The following ZBTB7C variants were observed in gnomAD, a reference collection of about 807,000 sequenced individuals.
ZBTB7C encodes zinc finger and BTB domain containing 7C.
A neutral mutation model predicts 25.7 loss-of-function variants in ZBTB7C; 8 were observed. The observed-to-expected ratio is 0.31, with a 90% CI of 0.18 to 0.56. The LOEUF (loss-of-function observed/expected upper bound fraction) is 0.56, where lower values mean the gene tolerates loss of function less well. Ranked by LOEUF, ZBTB7C falls within the 20% of genes least tolerant of loss-of-function variation. The pLI, the probability that ZBTB7C is intolerant of heterozygous loss-of-function variation, is 0.91. For missense variants in ZBTB7C, 824 were observed against 855.2 expected (o/e 0.96, Z 0.46); for synonymous variants, 394 against 369.0 (o/e 1.07, Z -0.78).
rs1291570421 is a variant in ZBTB7C at position 48,347,133 on chromosome 18, T to G, written c.-303-8735A>C. On this transcript the variant is annotated intron_variant, in intron 1 of 4. Transcript: ENST00000590800. ...TTCCCAGTTTTTGTTTGTTTTTTTT[T>G]TTTTTTTTTTTTTTTGAGACGGAGT... Among the ~76,000 whole-genome samples the G allele has an allele frequency of 6.3e-5, 9 of 143,662 alleles. No homozygotes were observed. The South Asian group carries it at 1.4e-3, about 22-fold the overall frequency. 94.2% of individuals were successfully genotyped at this position (143,662 alleles called of 152,430 possible).
At chr18:48,340,282 C>G (rs1039641374) in intron 1 of ZBTB7C, among the ~76,000 whole-genome samples, 1 of 152,174 alleles carries the variant, frequency 6.6e-6, no homozygotes, top group Admixed American at 6.5e-5. Context: ...GCCAGGAAAC[C>G]CAGGGTAGGT....
chr18:48,134,464 G>C (rs547318826), intron 3 of ZBTB7C, among the ~76,000 whole-genome samples: 1 of 152,038 alleles, frequency 6.6e-6, no homozygotes, highest in South Asian at 2.1e-4. Flanking sequence ...AGTGGATGAA[G>C]GGTCTTTCAG....
chr18:48,336,660 C>T (rs1024437163), intron 2 of ZBTB7C, among the ~76,000 whole-genome samples: 4 of 152,202 alleles, frequency 2.6e-5, no homozygotes, highest in African/African-American at 9.6e-5. Context: ...CAGTCCCTGG[C>T]TCTTTCTGGT....
rs2042777988 is a variant in ZBTB7C, at chr18:48,214,511, A to G, written c.-78-28516T>C. ...AGCCCCTGCTGATAAAACAGGATGC[A>G]GTAAAGAAGCTGGTTAAAACCTACC... On this transcript the variant is annotated intron_variant, in intron 2 of 4. Transcript: ENST00000590800. Among the ~76,000 whole-genome samples, 4 of 152,272 alleles carry G rather than the reference A, an allele frequency of 2.6e-5. No homozygotes were observed. The South Asian group carries it at 8.3e-4, about 32-fold the overall frequency.
chr18:48,325,706 G>A (rs7226782), intron 2 of ZBTB7C, among the ~76,000 whole-genome samples: 52,863 of 152,056 alleles, frequency 0.35, 9,977 homozygotes, highest in East Asian at 0.73. Context: ...TCAACAGTGT[G>A]CATAACATCA....
chr18:48,324,129 T>C (rs1489386376), intron 2 of ZBTB7C, among the ~76,000 whole-genome samples: 3 of 152,162 alleles, frequency 2.0e-5, no homozygotes. Flanking sequence ...TCCAGAATCG[T>C]GAGTAGCAAA....
chr18:48,314,267 C>T (rs563793677), intron 2 of ZBTB7C, among the ~76,000 whole-genome samples: 19 of 152,304 alleles, frequency 1.2e-4, no homozygotes, highest in African/African-American at 4.6e-4. Context: ...TGCGGGATTA[C>T]TGATAACTTC....
intron 3 of ZBTB7C, among the ~76,000 whole-genome samples, chr18:48,123,950 G>A (rs935693499): frequency 6.6e-6 from 1 of 152,204 alleles, no homozygotes; most frequent in African/African-American, 2.4e-5. Flanking sequence ...ATGGACAAGA[G>A]GTGATGTAGC....
intron 2 of ZBTB7C, among the ~76,000 whole-genome samples, chr18:48,289,268 T>C (rs1250330690): frequency 6.6e-6 from 1 of 152,154 alleles, no homozygotes. Flanking sequence ...GTTATTCACA[T>C]CTAGTCTCTC....
intron 3 of ZBTB7C, among the ~76,000 whole-genome samples, chr18:48,097,382 G>GTTGTTGTTGTTATTATTATTA (rs10651143): frequency 2.8e-5 from 4 of 144,968 alleles, no homozygotes. Flanking sequence ...TATTGTTGTT[G>GTTGTTGTTGTTATTATTATTA]TTATTATTAT....
intron 3 of ZBTB7C, among the ~76,000 whole-genome samples, chr18:48,100,014 C>T (rs1056287441): frequency 2.6e-5 from 4 of 152,170 alleles, no homozygotes; most frequent in Non-Finnish European, 5.9e-5. Context: ...GAGTGGGGCA[C>T]CCACACTCCC....
At chr18:48,064,699 C>T (rs2037255402) in intron 3 of ZBTB7C, among the ~76,000 whole-genome samples, 1 of 152,134 alleles carries the variant, frequency 6.6e-6, no homozygotes, top group South Asian at 2.1e-4. Flanking sequence ...GCCGTCTTCA[C>T]ACCACTGCAC....
intron 2 of ZBTB7C, among the ~76,000 whole-genome samples, chr18:48,292,319 G>T (rs2045254821): frequency 6.6e-6 from 1 of 152,048 alleles, no homozygotes; most frequent in African/African-American, 2.4e-5. Flanking sequence ...TTCTACAGTG[G>T]GCACAACTGA....
In ZBTB7C at chr18:48,338,911, T is replaced by TGGG. The variant is rs71165319; in HGVS notation, c.-303-516_-303-514dup. 3.0e-4 allele frequency among the ~76,000 whole-genome samples: 42 copies of TGGG among 137,996 alleles called. No individual in the cohort carries two copies. The East Asian group carries it at 4.7e-3, about 15-fold the overall frequency. The allele number at this position is 137,996 out of a possible 152,430, so 90.5% of individuals were successfully genotyped here. On this transcript the variant is annotated intron_variant, in intron 1 of 4. Transcript: ENST00000590800. The stretch of plus-strand genomic sequence containing the variant: ...AGGCTTCTGGTGTTCTGTAGTTTGT[T>TGGG]GGGGGGGGGGGGTCCAGGTAGGACA...
chr18:48,104,627 G>C (rs1013583013), intron 3 of ZBTB7C, among the ~76,000 whole-genome samples: 1 of 152,140 alleles, frequency 6.6e-6, no homozygotes, highest in Non-Finnish European at 1.5e-5. Context: ...GCATATAGAA[G>C]GCATTTGGTA....
chr18:48,155,128 C>G (rs1475954057), intron 3 of ZBTB7C, among the ~76,000 whole-genome samples: 1 of 152,072 alleles, frequency 6.6e-6, no homozygotes, highest in East Asian at 1.9e-4. Flanking sequence ...GAAATAGGAG[C>G]AAATAGGCCC....
At position 48,178,006 on chromosome 18, in the gene ZBTB7C, G is replaced by GCAGCCCCTCCCTCTCCTTGCC. The variant is rs549193058; in HGVS notation, c.-17+7907_-17+7927dup. Among the ~76,000 whole-genome samples the GCAGCCCCTCCCTCTCCTTGCC allele has an allele frequency of 6.1e-3, 925 of 151,180 alleles. 7 individuals are homozygous for GCAGCCCCTCCCTCTCCTTGCC. Among genetic ancestry groups the GCAGCCCCTCCCTCTCCTTGCC allele is most frequent in the African/African-American group, 0.02 (823 of 40,822 alleles). ...CCCACCCTCACTGTCTCTACTTCCA[G>GCAGCCCCTCCCTCTCCTTGCC]CAGCCCCTCCCTCTCCTTGCCCAGC... is the stretch of plus-strand genomic sequence containing the variant. On this transcript the variant is annotated intron_variant, in intron 3 of 4. Transcript: ENST00000590800.
chr18:48,116,608 A>C (rs1598908353), intron 3 of ZBTB7C, among the ~76,000 whole-genome samples: 1 of 151,308 alleles, frequency 6.6e-6, no homozygotes, highest in African/African-American at 2.4e-5. Context: ...GCCTGCTTGC[A>C]CCCTCCCTCT....
At chr18:48,243,960 T>C (rs1354715111) in intron 2 of ZBTB7C, among the ~76,000 whole-genome samples, 1 of 152,156 alleles carries the variant, frequency 6.6e-6, no homozygotes, top group African/African-American at 2.4e-5. Flanking sequence ...GCTGAGATAA[T>C]TGGCAAGCCA....
Sources: gnomAD v4.1 joint callset for allele counts (sites outside exome capture counted in the v4.1 genomes callset) on GRCh38, gnomAD v4.1.1 for gene constraint, MANE v1.5 for transcripts, NCBI Gene and HGNC (gene_info 2026-07-23, HGNC 2026-07-21) for gene names.